Variants in HERC2 observed in about 807,000 individuals in gnomAD.
The protein encoded by HERC2 is HECT and RLD domain containing E3 ubiquitin protein ligase 2.
In HERC2, 102 loss-of-function variants were observed where a neutral mutation model predicts 537.7. The ratio of observed to expected loss-of-function variants is 0.19; its 90% confidence interval spans 0.16 to 0.22. The LOEUF (loss-of-function observed/expected upper bound fraction) is 0.22. HERC2 is among the 10% of genes least tolerant of loss of function. The pLI is 1.00. For synonymous variants in HERC2, 2,224 were observed against 2,466.2 expected (o/e 0.90, Z 2.91); for missense variants, 4,236 against 6,198.2 (o/e 0.68, Z 10.63).
chr15:28,307,117 G>T (rs554016897), intron 2 of HERC2, among the ~76,000 whole-genome samples: 2 of 152,260 alleles, frequency 1.3e-5, no homozygotes, highest in African/African-American at 2.4e-5. Flanking sequence ...TTACAGGCAT[G>T]AGCCACCACG....
At chr15:28,313,192 ATTT>A (rs57465951) in intron 2 of HERC2, among the ~76,000 whole-genome samples, 2 of 95,140 alleles carry the variant, frequency 2.1e-5, no homozygotes. Context: ...CAGTTAAGGC[ATTT>A]TTTTTTTTTT....
rs192607416 is a variant in HERC2, at chr15:28,168,551, G to A, written c.10269C>T (p.Ile3423=). 1.7e-5 allele frequency: 27 copies of A among 1,614,120 alleles called. No homozygotes were observed. Among genetic ancestry groups the A allele is most frequent in the East Asian group, 2.2e-5 (1 of 44,880 alleles). The change falls in exon 67 of 93, where the codon ATC becomes ATT. Residue 3423 remains isoleucine (I), a synonymous_variant. Transcript: ENST00000261609. ...AGAACGAGGGGCACTCCACCGGGGC[G>A]ATCATGGCGGCCGGCATCAGGGCCC... ...VVGALMPAAM[I]APVECPSFSS... is the part of the protein sequence containing the mutation.
chr15:28,175,923 A>T (rs1384108082), intron 63 of HERC2, among the ~76,000 whole-genome samples: 3 of 152,224 alleles, frequency 2.0e-5, no homozygotes, highest in Non-Finnish European at 4.4e-5. Flanking sequence ...ACTGAAAATA[A>T]GACACACTAC....
intron 57 of HERC2, 48 bp downstream of exon 57, chr15:28,182,353 C>G: frequency 8.5e-7 from 1 of 1,182,028 alleles, no homozygotes; most frequent in South Asian, 1.2e-5. Flanking sequence ...CGAGGTGTGG[C>G]TGCTGCCGAG....
Position 28,268,331 on chromosome 15 carries a change from G to C in HERC2, c.1598+134C>G. The stretch of plus-strand genomic sequence containing the variant: ...ATCACCAAGGAGGAGGCATATCGTA[G>C]TGTCCTGCTCCATCCCAGCGCTACA... On this transcript the variant is annotated intron_variant, in intron 12 of 92. Coordinates refer to ENST00000261609, the MANE Select transcript of HERC2 (RefSeq NM_004667.6). The surrounding 1 kb of genome is among the most constrained non-coding windows in gnomAD (Gnocchi z 4.7). The C allele has an allele frequency of 1.4e-6, 1 of 713,460 alleles. No homozygotes were observed. Among genetic ancestry groups the C allele is most frequent in the Non-Finnish European group, 2.2e-6 (1 of 444,680 alleles). The allele number at this position is 713,460 out of a possible 1,614,324, so 44.2% of individuals were successfully genotyped here.
chr15:28,241,394 A>T (rs1903101535), intron 23 of HERC2, among the ~76,000 whole-genome samples: 2 of 152,268 alleles, frequency 1.3e-5, no homozygotes, highest in South Asian at 2.1e-4. Context: ...GAGAAACTGG[A>T]ACTCCTGCAC....
chr15:28,320,954 T>G (rs1450831103), intron 2 of HERC2, among the ~76,000 whole-genome samples: 1 of 151,696 alleles, frequency 6.6e-6, no homozygotes, highest in African/African-American at 2.4e-5. Context: ...CCTCATAAAA[T>G]GAGTGAGTTT....
At chr15:28,270,948 A>G (rs1420833285) in intron 9 of HERC2, 80 bp from the exon 10 acceptor site, 1 of 1,207,262 alleles carries the variant, frequency 8.3e-7, no homozygotes, top group South Asian at 1.4e-5. Flanking sequence ...CCCACGCTTT[A>G]TATTTTGGTA....
At chr15:28,216,368 C>CT (rs1314316580) in intron 38 of HERC2, among the ~76,000 whole-genome samples, 1 of 150,714 alleles carries the variant, frequency 6.6e-6, no homozygotes, top group Non-Finnish European at 1.5e-5. Flanking sequence ...TTTAATACAT[C>CT]TGCATTAACA....
intron 69 of HERC2, among the ~76,000 whole-genome samples, chr15:28,158,142 T>C (rs1291170049): frequency 6.6e-6 from 1 of 152,166 alleles, no homozygotes; most frequent in Admixed American, 6.5e-5. Flanking sequence ...TGCTGAGGAG[T>C]GCTTTACTTC....
rs547492310 is a variant in HERC2 at position 28,280,228 on chromosome 15, C to A, written c.382G>T (p.Val128Phe). ...GAGAGGGTGGTGGTGGCTGACTGGACGGCCAGGGCCTGCTGCTCTTTAACC... is the reference window on the plus strand; with the variant it reads ...GAGAGGGTGGTGGTGGCTGACTGGAAGGCCAGGGCCTGCTGCTCTTTAACC... ...VLVKEQQALA[V>F]QSATTTLSAL... Residue 128 changes from valine to phenylalanine, a missense_variant, in exon 5 of 93, where the codon GTC becomes TTC. Transcript: ENST00000261609. 3 of 1,614,014 alleles carry A rather than the reference C, an allele frequency of 1.9e-6. No individual in the cohort carries two copies. In the Admixed American group the frequency reaches 5.0e-5, roughly 27 times the overall value.
intron 52 of HERC2, among the ~76,000 whole-genome samples, chr15:28,192,551 G>C (rs1308435749): frequency 6.6e-6 from 1 of 152,170 alleles, no homozygotes; most frequent in Non-Finnish European, 1.5e-5. Flanking sequence ...AATTCAACTG[G>C]CATTCCCCAT....
At chr15:28,157,479 G>A (rs1893127748) in intron 69 of HERC2, among the ~76,000 whole-genome samples, 1 of 152,162 alleles carries the variant, frequency 6.6e-6, no homozygotes, top group African/African-American at 2.4e-5. Flanking sequence ...TTGGGTGGGT[G>A]TATGTGTCCA....
chr15:28,174,913 A>C (rs1018039017), intron 64 of HERC2, among the ~76,000 whole-genome samples: 3 of 152,012 alleles, frequency 2.0e-5, no homozygotes, highest in Admixed American at 6.6e-5. Flanking sequence ...TCTCTAACTA[A>C]GTGTAATAAT....
At chr15:28,311,042 A>C (rs2076928776) in intron 2 of HERC2, among the ~76,000 whole-genome samples, 1 of 118,234 alleles carries the variant, frequency 8.5e-6, no homozygotes, top group Non-Finnish European at 1.6e-5. Context: ...GCACCACAGC[A>C]CTCCAGCCTG....
Position 28,218,485 on chromosome 15 carries a change from A to C in HERC2, c.6028+4T>G. On this transcript the variant is annotated splice_donor_region_variant and intron_variant, in intron 38 of 92. Coordinates refer to ENST00000261609, the MANE Select transcript of HERC2 (RefSeq NM_004667.6). ...CCCTGGGCCCTCGATCTCTCATTCC[A>C]TACATGTCTTGTCCGTCGTTCCGCT... 4.4e-6 allele frequency: 7 copies of C among 1,592,450 alleles called. No individual in the cohort carries two copies. The highest frequency in any genetic ancestry group is 5.9e-6 in the Non-Finnish European group (7 of 1,177,882).
In HERC2 at chr15:28,229,372, A is replaced by G. The variant is rs369612942; in HGVS notation, c.5121-26T>C. Reference sequence around the variant, plus strand: ...CTTTCAAATAAAGATAAAGAATTTGACTTGGGACACTGCCAGACTTCTGTT... The same window carrying G: ...CTTTCAAATAAAGATAAAGAATTTGGCTTGGGACACTGCCAGACTTCTGTT... On this transcript the variant is annotated intron_variant, in intron 33 of 92. Transcript: ENST00000261609. The G allele has an allele frequency of 2.5e-6, 4 of 1,613,100 alleles. No homozygotes were observed. In the African/African-American group the frequency reaches 5.3e-5, roughly 22 times the overall value.
At chr15:28,270,672 G>C in intron 10 of HERC2, 23 bp downstream of exon 10, 1 of 1,607,980 alleles carries the variant, frequency 6.2e-7, no homozygotes, top group Non-Finnish European at 8.5e-7. Context: ...AACACATGGA[G>C]AACACGGTTC....
At chr15:28,271,874 C>A (rs1031198751) in intron 9 of HERC2, among the ~76,000 whole-genome samples, 3 of 152,190 alleles carry the variant, frequency 2.0e-5, no homozygotes, top group Admixed American at 6.5e-5. Flanking sequence ...GAGCTGGTAC[C>A]AAACAGAGTG....
Sources: allele counts gnomAD v4.1 joint callset (sites outside exome capture counted in the v4.1 genomes callset), GRCh38; gene constraint gnomAD v4.1.1; non-coding constraint Gnocchi (gnomAD v3.1); transcripts MANE v1.5; gene names NCBI Gene and HGNC (gene_info 2026-07-23, HGNC 2026-07-21).